The following MYT1 variants were observed in gnomAD, a reference collection of about 807,000 sequenced individuals.
MYT1 encodes myelin transcription factor 1.
A neutral mutation model predicts 123.0 loss-of-function variants in MYT1; 23 were observed. The observed-to-expected ratio is 0.19, with a 90% CI of 0.13 to 0.26. The LOEUF is 0.26. Among genes scored for constraint, MYT1 ranks in the 10% least tolerant of loss-of-function variants. The pLI is 1.00. For synonymous variants in MYT1, 518 were observed against 575.3 expected (o/e 0.90, Z 1.43); for missense variants, 1,125 against 1,472.5 (o/e 0.76, Z 3.86).
chr20:64,177,177 A>G (rs1227068367), intron 1 of MYT1, among the ~76,000 whole-genome samples: 2 of 152,286 alleles, frequency 1.3e-5, no homozygotes, highest in African/African-American at 4.8e-5. Flanking sequence ...CATGGCTTGC[A>G]TTTGGCTTTT....
In MYT1 at chr20:64,189,180, T is replaced by C. The variant is rs183932050; in HGVS notation, c.-98-883T>C. On this transcript the variant is annotated intron_variant, in intron 1 of 22. Transcript: ENST00000328439. This position sits in a 1 kb window ranked among gnomAD's most constrained non-coding sequence, Gnocchi z 5.5. ...GGAAAAGAAAGAAAGTGGGTGGGAA[T>C]AGCGTGCCTTCGGCAGAATCCAAAC... Among the ~76,000 whole-genome samples, 527 of 152,288 alleles carry C rather than the reference T, an allele frequency of 3.5e-3. 2 individuals carry two copies. Among genetic ancestry groups the C allele is most frequent in the Middle Eastern group, 0.01 (3 of 294 alleles).
At position 64,242,112 on chromosome 20, in the gene MYT1, C is replaced by T. The variant is rs1568725686; in HGVS notation, c.*1664C>T. The T allele has an allele frequency of 6.6e-6, 1 of 152,590 alleles. No homozygotes were observed. The highest frequency in any genetic ancestry group is 1.5e-5 in the Non-Finnish European group (1 of 68,042). The allele number at this position is 152,590 out of a possible 1,614,324, so 9.5% of individuals were successfully genotyped here. On this transcript the variant is annotated 3_prime_UTR_variant, in exon 23 of 23. Coordinates refer to ENST00000328439, the MANE Select transcript of MYT1 (RefSeq NM_004535.3). ...GGCCGCAGGCAGCCTCGAGTCACCGCCAGGCTCACAGGCTGTGCCACCCGT... is the reference window on the plus strand; with the variant it reads ...GGCCGCAGGCAGCCTCGAGTCACCGTCAGGCTCACAGGCTGTGCCACCCGT...
intron 7 of MYT1, among the ~76,000 whole-genome samples, chr20:64,210,895 G>A (rs1983645670): frequency 6.6e-6 from 1 of 152,238 alleles, no homozygotes; most frequent in African/African-American, 2.4e-5. Context: ...TGACCCATGA[G>A]GCCTCCACAC....
At position 64,186,298 on chromosome 20, in the gene MYT1, G is replaced by A. The variant is rs1304073282; in HGVS notation, c.-98-3765G>A. Among the ~76,000 whole-genome samples the A allele has an allele frequency of 6.6e-6, 1 of 152,196 alleles. No homozygotes were observed. The highest frequency in any genetic ancestry group is 1.5e-5 in the Non-Finnish European group (1 of 68,028). Reference sequence around the variant, plus strand: ...CGCCGCCCTCTGGGTGCCGGGAGCTGATCCCGAGAGGCTTGTTTTCCAGGA... The same window carrying A: ...CGCCGCCCTCTGGGTGCCGGGAGCTAATCCCGAGAGGCTTGTTTTCCAGGA... On this transcript the variant is annotated intron_variant, in intron 1 of 22. Transcript: ENST00000328439. The surrounding 1 kb of genome is among the most constrained non-coding windows in gnomAD (Gnocchi z 4.3).
rs562630107 is a variant in MYT1, at chr20:64,199,576, C to G, written c.56-316C>G. Among the ~76,000 whole-genome samples, 7 of 152,308 alleles carry G rather than the reference C, an allele frequency of 4.6e-5. No individual in the cohort carries two copies. The South Asian group carries it at 1.5e-3, about 32-fold the overall frequency. On this transcript the variant is annotated intron_variant, in intron 3 of 22. Coordinates refer to ENST00000328439, the MANE Select transcript of MYT1 (RefSeq NM_004535.3). ...GCAATTAGAGAAAGAGATACCATCC[C>G]TGGCCCTGAGGTCCCAGAGATCCTG...
chr20:64,204,553 G>T (rs1376920848), intron 4 of MYT1, among the ~76,000 whole-genome samples: 2 of 152,238 alleles, frequency 1.3e-5, no homozygotes, highest in African/African-American at 4.8e-5. Context: ...GTCAGTCCTG[G>T]CTCCGTTTGC....
chr20:64,205,536 C>G lies in MYT1; in HGVS notation c.150-17C>G. The stretch of plus-strand genomic sequence containing the variant: ...GCCCTAGCCTGGTCCTCTCCACTGC[C>G]TACTCCTCCCTCCCAGTTTACAGAG... On this transcript the variant is annotated splice_polypyrimidine_tract_variant and intron_variant, in intron 5 of 22. Transcript: ENST00000328439. The G allele has an allele frequency of 6.2e-7, 1 of 1,613,212 alleles. No individual in the cohort carries two copies. The highest frequency in any genetic ancestry group is 1.3e-5 in the African/African-American group (1 of 75,000).
At chr20:64,214,435 T>G (rs185941593) in intron 10 of MYT1, among the ~76,000 whole-genome samples, 7 of 152,236 alleles carry the variant, frequency 4.6e-5, no homozygotes, top group African/African-American at 1.7e-4. Flanking sequence ...TAAGGATCTT[T>G]CAGAATGTGT....
In MYT1 at chr20:64,193,499, G is replaced by A. The variant is rs1983022617; in HGVS notation, c.-1+3339G>A. Among the ~76,000 whole-genome samples, 1 of 152,154 alleles carries A rather than the reference G, an allele frequency of 6.6e-6. No homozygotes were observed. The highest frequency in any genetic ancestry group is 2.1e-4 in the South Asian group (1 of 4,820). On this transcript the variant is annotated intron_variant, in intron 2 of 22. Transcript: ENST00000328439. The surrounding 1 kb of genome is among the most constrained non-coding windows in gnomAD (Gnocchi z 4.0). ...GTAATGGCTTCACAGCAGTGACAGG[G>A]AAGTTGATGCTGCCCTCAGTACATA...
At chr20:64,188,586 C>T (rs890623306) in intron 1 of MYT1, among the ~76,000 whole-genome samples, 5 of 152,200 alleles carry the variant, frequency 3.3e-5, no homozygotes, top group African/African-American at 1.2e-4. Flanking sequence ...CCGGCTGATA[C>T]GATTCTTGTC....
intron 16 of MYT1, among the ~76,000 whole-genome samples, chr20:64,225,461 G>C (rs1309194580): frequency 6.6e-6 from 1 of 152,254 alleles, no homozygotes; most frequent in Non-Finnish European, 1.5e-5. Context: ...GTGAGGACAT[G>C]GCCGCCTCGG....
chr20:64,182,634 C>T (rs916992724), intron 1 of MYT1, among the ~76,000 whole-genome samples: 1 of 152,206 alleles, frequency 6.6e-6, no homozygotes, highest in Non-Finnish European at 1.5e-5. Flanking sequence ...TCGTGTCACT[C>T]GCATGACCCA....
Position 64,232,469 on chromosome 20 carries a change from G to C in MYT1, c.2897+84G>C. On this transcript the variant is annotated intron_variant, in intron 19 of 22. Transcript: ENST00000328439. This position sits in a 1 kb window ranked among gnomAD's most constrained non-coding sequence, Gnocchi z 6.9. ...CCTGGGGCTGAAGCTCCTGAGGGAG[G>C]GCCAGACCAGGGCTCCGTGTGACCA... 7.3e-7 allele frequency: 1 copy of C among 1,365,532 alleles called. No homozygotes were observed. Among genetic ancestry groups the C allele is most frequent in the Non-Finnish European group, 1.0e-6 (1 of 971,638 alleles). The allele number at this position is 1,365,532 out of a possible 1,614,324, so 84.6% of individuals were successfully genotyped here.
chr20:64,197,836 C>A (rs1276376100), intron 2 of MYT1, among the ~76,000 whole-genome samples: 1 of 152,208 alleles, frequency 6.6e-6, no homozygotes, highest in East Asian at 1.9e-4. Context: ...AGTGTCCCCA[C>A]AGAGGGTGGT....
intron 19 of MYT1, among the ~76,000 whole-genome samples, chr20:64,234,648 CGTGGTGGGTGACCCTGGGCTGGCT>C (rs1984441669): frequency 1.5e-5 from 2 of 129,800 alleles, no homozygotes; most frequent in African/African-American, 3.0e-5. Context: ...CTGGGCTGGC[CGTGGTGGGTGACCCTGGGCTGGCT>C]GTGGTATGTG....
In MYT1 at chr20:64,232,304, T is replaced by A. The variant is rs1391573309; in HGVS notation, c.2816T>A (p.Leu939Gln). Residue 939 changes from leucine to glutamine, a missense_variant, in exon 19 of 23, where the codon CTG becomes CAG. Coordinates refer to ENST00000328439, the MANE Select transcript of MYT1 (RefSeq NM_004535.3). This position sits in a 1 kb window ranked among gnomAD's most constrained non-coding sequence, Gnocchi z 6.9. ...GGCTCGTCATTCTCCTGGAAGTCCC[T>A]GAAGAATGAAGGACCGACCTGCCCC... Reference protein sequence around the residue: ...LNGSSFSWKSLKNEGPTCPTP... With the variant: ...LNGSSFSWKSQKNEGPTCPTP... The A allele has an allele frequency of 1.9e-6, 3 of 1,612,928 alleles. No individual in the cohort carries two copies. Among genetic ancestry groups the A allele is most frequent in the African/African-American group, 1.3e-5 (1 of 74,908 alleles).
In MYT1 at chr20:64,211,318, C is replaced by A; in HGVS notation, c.1404C>A (p.His468Gln). 1 of 1,613,768 alleles carries A rather than the reference C, an allele frequency of 6.2e-7. No homozygotes were observed. Among genetic ancestry groups the A allele is most frequent in the Non-Finnish European group, 8.5e-7 (1 of 1,179,736 alleles). The stretch of plus-strand genomic sequence containing the variant: ...ACCGCAGCCTTTCTGGCTGTCCCCA[C>A]AAGGATAGGATCCCCCCAGAGAGTG... ...PHHRSLSGCP[H>Q]KDRIPPEILA... is the part of the protein sequence containing the mutation. Residue 468 changes from histidine (H) to glutamine (Q), a missense_variant, in exon 8 of 23, where the codon CAC becomes CAA. Physicochemically the swap from His to Gln is conservative, Grantham distance 24 (BLOSUM62 0). Transcript: ENST00000328439.
intron 4 of MYT1, among the ~76,000 whole-genome samples, chr20:64,201,550 C>A (rs1464535673): frequency 6.6e-6 from 1 of 152,232 alleles, no homozygotes; most frequent in Non-Finnish European, 1.5e-5. Context: ...AGGTACCATT[C>A]ATTCCTGTAT....
At chr20:64,207,558 C>T (rs752727140) in intron 6 of MYT1, 36 bp from the exon 7 acceptor site, 36 of 1,589,392 alleles carry the variant, frequency 2.3e-5, no homozygotes, top group African/African-American at 5.4e-5. Context: ...TTCCCACGTG[C>T]TCTCTGGCCC....
Sources: allele counts gnomAD v4.1 joint callset (sites outside exome capture counted in the v4.1 genomes callset), GRCh38; gene constraint gnomAD v4.1.1; non-coding constraint Gnocchi (gnomAD v3.1); transcripts MANE v1.5; gene names NCBI Gene and HGNC (gene_info 2026-07-23, HGNC 2026-07-21).